The following C3orf22 variants were observed in gnomAD, a reference collection of about 807,000 sequenced individuals.
C3orf22 encodes the protein uncharacterized protein C3orf22.
A neutral mutation model predicts 10.8 loss-of-function variants in C3orf22; 7 were observed. That is an observed-to-expected ratio of 0.65 (90% CI 0.37 to 1.22). The LOEUF is 1.22. Among genes scored for constraint, C3orf22 ranks in the 50% most tolerant of loss-of-function variants. The pLI, the probability that C3orf22 is intolerant of heterozygous loss-of-function variation, is 0.02. For missense variants in C3orf22, 173 were observed against 177.0 expected, an observed-to-expected ratio of 0.98 and a Z score of 0.13; for synonymous variants, 79 against 78.9, an observed-to-expected ratio of 1.00 and a Z score of 0.00.
intron 4 of C3orf22, among the ~76,000 whole-genome samples, chr3:126,536,916 CA>C (rs1936807274): frequency 6.6e-6 from 1 of 151,500 alleles, no homozygotes; most frequent in Admixed American, 6.6e-5. Flanking sequence ...CACACACACA[CA>C]CACACACCCC....
intron 4 of C3orf22, among the ~76,000 whole-genome samples, chr3:126,539,261 T>G (rs1207661115): frequency 1.3e-5 from 2 of 152,172 alleles, no homozygotes; most frequent in African/African-American, 4.8e-5. Context: ...TCTAAAATAA[T>G]AAGTCTCCCT....
At chr3:126,539,372 A>G (rs1936872573) in intron 4 of C3orf22, among the ~76,000 whole-genome samples, 1 of 152,040 alleles carries the variant, frequency 6.6e-6, no homozygotes. Flanking sequence ...TGTATCTTAG[A>G]CAGCTGTGGG....
At chr3:126,552,961 G>A (rs1937233124) in intron 2 of C3orf22, among the ~76,000 whole-genome samples, 1 of 152,240 alleles carries the variant, frequency 6.6e-6, no homozygotes, top group South Asian at 2.1e-4. Flanking sequence ...CGAGTCCCAG[G>A]AGCTCACAAA....
At chr3:126,543,623 C>A (rs1002458919) in intron 4 of C3orf22, among the ~76,000 whole-genome samples, 10 of 152,240 alleles carry the variant, frequency 6.6e-5, no homozygotes, top group African/African-American at 2.4e-4. Flanking sequence ...TGCTGCCTCC[C>A]ACCTTTGTGC....
At chr3:126,556,718 A>AC (rs1937341687) in intron 1 of C3orf22, among the ~76,000 whole-genome samples, 1 of 150,700 alleles carries the variant, frequency 6.6e-6, no homozygotes, top group African/African-American at 2.5e-5. Flanking sequence ...ACACAGACTG[A>AC]CCCCACACAC....
intron 4 of C3orf22, among the ~76,000 whole-genome samples, chr3:126,533,909 T>C (rs1936710645): frequency 6.6e-6 from 1 of 152,210 alleles, no homozygotes; most frequent in Non-Finnish European, 1.5e-5. Context: ...TTGTTATGGG[T>C]CTGCTGAGAT....
chr3:126,552,563 T>C (rs1937218812), intron 2 of C3orf22, among the ~76,000 whole-genome samples: 1 of 152,196 alleles, frequency 6.6e-6, no homozygotes, highest in Non-Finnish European at 1.5e-5. Context: ...GAACAGGTGC[T>C]CAGCTGGCCC....
chr3:126,530,601 C>T (rs147080037), intron 4 of C3orf22, among the ~76,000 whole-genome samples: 2 of 152,384 alleles, frequency 1.3e-5, no homozygotes, highest in East Asian at 3.9e-4. Flanking sequence ...GTTGCCTGGC[C>T]CTGCCCTGCC....
chr3:126,551,336 C>T (rs1937181573), intron 3 of C3orf22, among the ~76,000 whole-genome samples: 1 of 152,170 alleles, frequency 6.6e-6, no homozygotes, highest in South Asian at 2.1e-4. Context: ...GGTCCTGCAC[C>T]GCTGGTGGAG....
exon 5 of C3orf22, chr3:126,529,284 C>T (rs1295013584): frequency 1.6e-6 from 2 of 1,278,008 alleles, no homozygotes; most frequent in African/African-American, 1.5e-5. Context: ...GTCCTGTGTG[C>T]AGCAATCGCA....
At chr3:126,542,521 C>T (rs1226058423) in intron 4 of C3orf22, 3 of 1,548,872 alleles carry the variant, frequency 1.9e-6, no homozygotes, top group African/African-American at 1.4e-5. Context: ...TCGACCTCTA[C>T]AAGATGGACT....
chr3:126,533,579 G>A (rs1376614924), intron 4 of C3orf22, among the ~76,000 whole-genome samples: 1 of 152,056 alleles, frequency 6.6e-6, no homozygotes, highest in Non-Finnish European at 1.5e-5. Flanking sequence ...CATCCTACTT[G>A]GTCATGGTGT....
intron 3 of C3orf22, among the ~76,000 whole-genome samples, chr3:126,550,489 A>C: frequency 6.6e-6 from 1 of 151,340 alleles, no homozygotes; most frequent in Non-Finnish European, 1.5e-5. Context: ...TCTGTCTCCC[A>C]CTCCTCCTTC....
chr3:126,541,808 C>G (rs1181235861), intron 4 of C3orf22: 18 of 1,555,472 alleles, frequency 1.2e-5, no homozygotes, highest in Non-Finnish European at 1.5e-5. Flanking sequence ...CCGCCACTCA[C>G]GCCGGCAGCG....
chr3:126,534,929 G>GAGAC (rs1396098891), intron 4 of C3orf22, among the ~76,000 whole-genome samples: 3 of 137,426 alleles, frequency 2.2e-5, no homozygotes, highest in Non-Finnish European at 4.6e-5. Context: ...CCCCAGCCGG[G>GAGAC]AGACAGACAG....
chr3:126,546,934 C>T (rs187463517), downstream of C3orf22, among the ~76,000 whole-genome samples: 102 of 152,358 alleles, frequency 6.7e-4, no homozygotes, highest in African/African-American at 2.4e-3. Flanking sequence ...AACCATAAAT[C>T]CATGATGACA....
rs541211080 is a variant in C3orf22 at position 126,541,720 on chromosome 3, C to A, written c.286+7817G>T. On this transcript the variant is annotated intron_variant and NMD_transcript_variant, in intron 4 of 5. Transcript: ENST00000505070. ...CTGACGCGTCCCCCTGTCCCGTCTC[C>A]TGTCGCCCACAGGACCCGCGCTCGA... The A allele has an allele frequency of 9.0e-6, 13 of 1,444,418 alleles. No homozygotes were observed. The East Asian group carries it at 3.5e-4, about 39-fold the overall frequency. 89.5% of individuals were successfully genotyped at this position (1,444,418 alleles called of 1,614,324 possible).
chr3:126,555,809 T>G (rs1215049734), intron 1 of C3orf22, among the ~76,000 whole-genome samples: 1 of 152,292 alleles, frequency 6.6e-6, no homozygotes, highest in Admixed American at 6.5e-5. Flanking sequence ...TCCATAACCC[T>G]GCCCCTCCAG....
At chr3:126,536,263 G>A (rs1560140374) in intron 4 of C3orf22, 3 of 1,612,994 alleles carry the variant, frequency 1.9e-6, no homozygotes, top group African/African-American at 1.3e-5. Context: ...CTCTCCTTAT[G>A]CCCACAGCAT....
Sources: allele counts gnomAD v4.1 joint callset (sites outside exome capture counted in the v4.1 genomes callset), GRCh38; gene constraint gnomAD v4.1.1; transcripts MANE v1.5; gene names NCBI Gene and HGNC (gene_info 2026-07-23, HGNC 2026-07-21).